The following TMEM108 variants were observed in gnomAD, a reference collection of about 807,000 sequenced individuals.
TMEM108 encodes the protein cancer/testis antigen 124.
A neutral mutation model predicts 35.1 loss-of-function variants in TMEM108; 12 were observed. The observed-to-expected ratio is 0.34, with a 90% CI of 0.22 to 0.55. The LOEUF (loss-of-function observed/expected upper bound fraction) is 0.55. TMEM108 is among the 20% of genes least tolerant of loss of function. TMEM108 has a pLI of 0.89. For missense variants in TMEM108, 680 were observed against 753.3 expected (o/e 0.90, Z 1.14); for synonymous variants, 287 against 308.6 (o/e 0.93, Z 0.73).
intron 3 of TMEM108, among the ~76,000 whole-genome samples, chr3:133,285,502 A>G (rs915263152): frequency 2.1e-4 from 32 of 152,210 alleles, no homozygotes; most frequent in Admixed American, 1.7e-3. Context: ...CCTCAGAGAG[A>G]CGTTGTTAAT....
chr3:133,219,360 G>T (rs888460045), intron 2 of TMEM108, among the ~76,000 whole-genome samples: 1 of 151,200 alleles, frequency 6.6e-6, no homozygotes, highest in Non-Finnish European at 1.5e-5. Context: ...TTTATGCTTT[G>T]GCCTTTATTA....
intron 2 of TMEM108, among the ~76,000 whole-genome samples, chr3:133,141,116 A>G (rs1944635211): frequency 6.6e-6 from 1 of 152,226 alleles, no homozygotes; most frequent in South Asian, 2.1e-4. Flanking sequence ...TTTAAGGGGT[A>G]AAGTTAATAC....
chr3:133,243,769 C>G (rs920484328), intron 3 of TMEM108, among the ~76,000 whole-genome samples: 1 of 15,822 alleles, frequency 6.3e-5, no homozygotes, highest in Non-Finnish European at 2.3e-4. Flanking sequence ...GTGATCCACC[C>G]GCCTTGGCCT....
At chr3:133,290,257 A>G (rs1013809436) in intron 3 of TMEM108, among the ~76,000 whole-genome samples, 12 of 152,202 alleles carry the variant, frequency 7.9e-5, no homozygotes, top group African/African-American at 2.9e-4. Flanking sequence ...TGAGAGAACT[A>G]TCAACCACTT....
chr3:133,270,321 AG>A (rs1383079869), intron 3 of TMEM108, among the ~76,000 whole-genome samples: 1 of 152,202 alleles, frequency 6.6e-6, no homozygotes, highest in African/African-American at 2.4e-5. Context: ...CTGTATTTCC[AG>A]CACCTAGAAA....
chr3:133,181,330 A>T (rs1269251658), intron 2 of TMEM108, among the ~76,000 whole-genome samples: 1 of 152,174 alleles, frequency 6.6e-6, no homozygotes, highest in Non-Finnish European at 1.5e-5. Flanking sequence ...CATCATAGGA[A>T]AAGAGAGAAC....
intron 3 of TMEM108, among the ~76,000 whole-genome samples, chr3:133,377,366 G>A (rs2072874404): frequency 6.6e-6 from 1 of 152,194 alleles, no homozygotes; most frequent in Non-Finnish European, 1.5e-5. Flanking sequence ...CTGTGGGCAG[G>A]ATAGGGGCAC....
At chr3:133,313,747 C>A (rs541503115) in intron 3 of TMEM108, among the ~76,000 whole-genome samples, 16 of 152,220 alleles carry the variant, frequency 1.1e-4, no homozygotes, top group African/African-American at 3.4e-4. Context: ...CTTCCCCTTG[C>A]ATTTAGTAAG....
intron 1 of TMEM108, among the ~76,000 whole-genome samples, chr3:133,041,368 C>A (rs1438204952): frequency 6.6e-6 from 1 of 152,046 alleles, no homozygotes; most frequent in Non-Finnish European, 1.5e-5. Flanking sequence ...GCTCATGTCA[C>A]CCCCCAGGGC....
chr3:133,219,600 T>C (rs748999566), intron 2 of TMEM108, among the ~76,000 whole-genome samples: 1 of 152,152 alleles, frequency 6.6e-6, no homozygotes, highest in East Asian at 1.9e-4. Flanking sequence ...TATTCTTTGG[T>C]TGCTCAGGGG....
At chr3:133,275,756 A>G (rs138730806) in intron 3 of TMEM108, among the ~76,000 whole-genome samples, 1 of 152,240 alleles carries the variant, frequency 6.6e-6, no homozygotes, top group Non-Finnish European at 1.5e-5. Context: ...ACTGAGATAA[A>G]GAAAGACAAT....
At chr3:133,387,139 T>C in intron 4 of TMEM108, 3 of 985,428 alleles carry the variant, frequency 3.0e-6, no homozygotes, top group Non-Finnish European at 3.6e-6. Context: ...TCTTTCTAGA[T>C]CTCTCTTGTA....
At chr3:133,110,694 T>C (rs1192922200) in intron 2 of TMEM108, among the ~76,000 whole-genome samples, 1 of 152,212 alleles carries the variant, frequency 6.6e-6, no homozygotes, top group Non-Finnish European at 1.5e-5. Flanking sequence ...TTCTAAACTC[T>C]GATTTGAAAC....
chr3:133,176,077 G>C (rs1258559282), intron 2 of TMEM108, among the ~76,000 whole-genome samples: 1 of 152,270 alleles, frequency 6.6e-6, no homozygotes, highest in East Asian at 1.9e-4. Context: ...GACAAAGAAG[G>C]TTGTTACATA....
intron 3 of TMEM108, among the ~76,000 whole-genome samples, chr3:133,254,023 A>G (rs1946509338): frequency 6.6e-6 from 1 of 152,154 alleles, no homozygotes; most frequent in Non-Finnish European, 1.5e-5. Context: ...AATATATGTC[A>G]TATTCCTATA....
At chr3:133,347,349 A>T (rs1251265460) in intron 3 of TMEM108, among the ~76,000 whole-genome samples, 1 of 152,056 alleles carries the variant, frequency 6.6e-6, no homozygotes, top group Non-Finnish European at 1.5e-5. Context: ...CAGATCTTGT[A>T]CATATTTTGT....
intron 3 of TMEM108, among the ~76,000 whole-genome samples, chr3:133,350,775 G>T (rs1399902118): frequency 6.6e-6 from 1 of 152,164 alleles, no homozygotes; most frequent in Non-Finnish European, 1.5e-5. Flanking sequence ...TCAGAGAATT[G>T]GTTGAATGAC....
intron 2 of TMEM108, among the ~76,000 whole-genome samples, chr3:133,090,059 A>G (rs943486161): frequency 1.8e-4 from 27 of 152,306 alleles, no homozygotes; most frequent in Middle Eastern, 3.4e-3. Flanking sequence ...CACCTTAACA[A>G]TGGAAGGTGG....
intron 2 of TMEM108, among the ~76,000 whole-genome samples, chr3:133,202,373 C>T (rs1223874601): frequency 2.6e-5 from 4 of 152,172 alleles, no homozygotes; most frequent in Non-Finnish European, 4.4e-5. Context: ...TTGCCCATGC[C>T]TATGTCCTGA....
Sources: gnomAD v4.1 joint callset for allele counts (sites outside exome capture counted in the v4.1 genomes callset) on GRCh38, gnomAD v4.1.1 for gene constraint, MANE v1.5 for transcripts, NCBI Gene and HGNC (gene_info 2026-07-23, HGNC 2026-07-21) for gene names.